CHRM3: variants seen among roughly 807,000 people sequenced by gnomAD.
CHRM3 encodes the protein cholinergic receptor muscarinic 3, also known as muscarinic acetylcholine receptor M3.
A neutral mutation model predicts 41.8 loss-of-function variants in CHRM3; 11 were observed. The ratio of observed to expected loss-of-function variants is 0.26; its 90% CI spans 0.17 to 0.44. The LOEUF is 0.44. Among genes scored for constraint, CHRM3 ranks in the 20% least tolerant of loss-of-function variants. CHRM3 has a pLI of 1.00. For synonymous variants in CHRM3, 297 were observed against 301.4 expected, an observed-to-expected ratio of 0.99 and a Z score of 0.15; for missense variants, 571 against 745.4, an observed-to-expected ratio of 0.77 and a Z score of 2.72.
At position 239,759,195 on chromosome 1, in the gene CHRM3, TTAG is replaced by T. The variant is rs1287931594; in HGVS notation, c.-146-68056_-146-68054del. On this transcript the variant is annotated intron_variant, in intron 5 of 6. Coordinates refer to ENST00000676153, the MANE Select transcript of CHRM3 (RefSeq NM_001375978.1). ...TTTTTTTTTTTTGTTTTTTTTTTTT[TTAG>T]AGAGAGGCTTATCCTGAATGTCTGC... 8.2e-3 allele frequency among the ~76,000 whole-genome samples: 1,131 copies of T among 137,146 alleles called. 26 individuals carry two copies. The highest frequency in any genetic ancestry group is 0.032 in the African/African-American group (1,057 of 32,686). The allele number at this position is 137,146 out of a possible 152,430, so 90.0% of individuals were successfully genotyped here.
chr1:239,811,180 A>C (rs2148982271), intron 5 of CHRM3, among the ~76,000 whole-genome samples: 1 of 152,330 alleles, frequency 6.6e-6, no homozygotes, highest in East Asian at 1.9e-4. Context: ...ATGTGCTGTG[A>C]CTGGAGAGCA....
intron 5 of CHRM3, among the ~76,000 whole-genome samples, chr1:239,761,727 T>C (rs569766374): frequency 1.3e-5 from 2 of 152,184 alleles, no homozygotes; most frequent in Non-Finnish European, 2.9e-5. Context: ...CTGGGTGCTC[T>C]GCAGATTGCT....
chr1:239,909,865 C>T lies in CHRM3; in HGVS notation c.*641C>T, dbSNP rs951769207. On this transcript the variant is annotated 3_prime_UTR_variant, in exon 7 of 7. Coordinates refer to ENST00000676153, the MANE Select transcript of CHRM3 (RefSeq NM_001375978.1). ...TATATATATATGTGTGAGTTCTGCACGCACACACATAGTGTATATAATATC... is the reference window on the plus strand; with the variant it reads ...TATATATATATGTGTGAGTTCTGCATGCACACACATAGTGTATATAATATC... 1 of 167,188 alleles carries T rather than the reference C, an allele frequency of 6.0e-6. No homozygotes were observed. The highest frequency in any genetic ancestry group is 6.5e-5 in the Admixed American group (1 of 15,290). 10.4% of individuals were successfully genotyped at this position (167,188 alleles called of 1,614,324 possible).
intron 5 of CHRM3, among the ~76,000 whole-genome samples, chr1:239,744,867 T>C (rs1252416028): frequency 6.6e-6 from 1 of 151,954 alleles, no homozygotes; most frequent in East Asian, 1.9e-4. Context: ...GAGTTGTCCA[T>C]GAAGAGATGA....
intron 4 of CHRM3, among the ~76,000 whole-genome samples, chr1:239,636,904 A>G (rs547524172): frequency 7.6e-4 from 115 of 152,268 alleles, no homozygotes; most frequent in African/African-American, 2.6e-3. Flanking sequence ...CATACTTGTT[A>G]TGCTTTTCCA....
chr1:239,520,993 T>A (rs1489545025), intron 2 of CHRM3, among the ~76,000 whole-genome samples: 2 of 152,244 alleles, frequency 1.3e-5, no homozygotes, highest in African/African-American at 4.8e-5. Flanking sequence ...TTTGACCCAA[T>A]ATGAACTTGA....
intron 3 of CHRM3, among the ~76,000 whole-genome samples, chr1:239,554,482 A>C (rs1400410467): frequency 6.6e-6 from 1 of 151,874 alleles, no homozygotes; most frequent in Non-Finnish European, 1.5e-5. Context: ...ATGTGTGTGC[A>C]CGCACGCAGG....
chr1:239,573,926 T>C (rs1272910383), intron 3 of CHRM3, among the ~76,000 whole-genome samples: 1 of 152,128 alleles, frequency 6.6e-6, no homozygotes. Context: ...TATTTCTTGA[T>C]CTATTTAGTA....
chr1:239,462,241 C>T (rs1276740077), intron 1 of CHRM3, among the ~76,000 whole-genome samples: 2 of 152,036 alleles, frequency 1.3e-5, no homozygotes, highest in Non-Finnish European at 2.9e-5. Flanking sequence ...ATTCCACAAG[C>T]AGTTTTATTT....
At chr1:239,394,038 C>T (rs1659273762) in intron 1 of CHRM3, among the ~76,000 whole-genome samples, 1 of 152,038 alleles carries the variant, frequency 6.6e-6, no homozygotes, top group African/African-American at 2.4e-5. Flanking sequence ...TGCAAAGTAC[C>T]ATGGACATTC....
At chr1:239,446,294 G>A (rs1209841095) in intron 1 of CHRM3, among the ~76,000 whole-genome samples, 2 of 152,168 alleles carry the variant, frequency 1.3e-5, no homozygotes, top group East Asian at 3.9e-4. Context: ...AGAGTTGAAT[G>A]CATTAGTATT....
At chr1:239,464,738 T>G (rs1464925421) in intron 1 of CHRM3, among the ~76,000 whole-genome samples, 2 of 152,170 alleles carry the variant, frequency 1.3e-5, no homozygotes, top group Non-Finnish European at 2.9e-5. Context: ...ACATGCAGTT[T>G]CTGCCTTCTT....
intron 5 of CHRM3, among the ~76,000 whole-genome samples, chr1:239,742,295 T>C (rs576011859): frequency 1.4e-3 from 220 of 152,212 alleles, no homozygotes; most frequent in South Asian, 9.5e-3. Context: ...CCATTGCTCG[T>C]ATTTCTTCAG....
chr1:239,608,666 G>A (rs774390369), intron 3 of CHRM3, among the ~76,000 whole-genome samples: 2 of 152,110 alleles, frequency 1.3e-5, no homozygotes, highest in Admixed American at 6.5e-5. Flanking sequence ...TGGCGCTGCC[G>A]AGCCAGCAGC....
intron 3 of CHRM3, among the ~76,000 whole-genome samples, chr1:239,556,259 A>G (rs1660347560): frequency 6.6e-6 from 1 of 152,190 alleles, no homozygotes; most frequent in South Asian, 2.1e-4. Flanking sequence ...CCATTGATGT[A>G]AAAATCAATG....
At chr1:239,501,969 A>T (rs1668270749) in intron 2 of CHRM3, among the ~76,000 whole-genome samples, 1 of 152,182 alleles carries the variant, frequency 6.6e-6, no homozygotes, top group East Asian at 1.9e-4. Flanking sequence ...CTTACTTCAG[A>T]AAGACTGACA....
intron 4 of CHRM3, among the ~76,000 whole-genome samples, chr1:239,647,753 C>T (rs1277625884): frequency 2.0e-5 from 3 of 152,146 alleles, no homozygotes; most frequent in Non-Finnish European, 4.4e-5. Context: ...TATCTCTACC[C>T]TAGTCTCCTG....
intron 3 of CHRM3, among the ~76,000 whole-genome samples, chr1:239,575,577 C>T (rs575357202): frequency 2.0e-5 from 3 of 152,000 alleles, no homozygotes; most frequent in African/African-American, 7.2e-5. Context: ...TGCTAAAATA[C>T]GACTCCATTC....
intron 3 of CHRM3, among the ~76,000 whole-genome samples, chr1:239,560,326 A>G (rs1202093632): frequency 2.0e-5 from 3 of 152,148 alleles, no homozygotes; most frequent in Admixed American, 2.0e-4. Flanking sequence ...ATTTCTTTTT[A>G]TGGTCATTAA....
Sources: gnomAD v4.1 joint callset for allele counts (sites outside exome capture counted in the v4.1 genomes callset) on GRCh38, gnomAD v4.1.1 for gene constraint, MANE v1.5 for transcripts, NCBI Gene and HGNC (gene_info 2026-07-23, HGNC 2026-07-21) for gene names.